PHACTR1: variants seen among roughly 807,000 people sequenced by gnomAD.
PHACTR1 encodes the protein RPEL repeat containing 1.
PHACTR1 carries 16 observed loss-of-function variants against 69.2 expected under a neutral mutation model. The observed-to-expected ratio is 0.23, with a 90% CI of 0.16 to 0.35. PHACTR1 has a LOEUF of 0.35. Ranked by LOEUF, PHACTR1 falls within the 10% of genes least tolerant of loss-of-function variation. The pLI, the probability that PHACTR1 is intolerant of heterozygous loss-of-function variation, is 1.00. For missense variants in PHACTR1, 510 were observed against 734.7 expected (o/e 0.69, Z 3.54); for synonymous variants, 312 against 284.5 (o/e 1.10, Z -0.97).
chr6:12,805,140 A>G (rs995783233), intron 4 of PHACTR1, among the ~76,000 whole-genome samples: 7 of 152,208 alleles, frequency 4.6e-5, no homozygotes, highest in African/African-American at 1.7e-4. Context: ...TTATCTTGTT[A>G]GCTGAGTTGG....
At chr6:12,937,992 C>T (rs1359692724) in intron 4 of PHACTR1, among the ~76,000 whole-genome samples, 1 of 151,998 alleles carries the variant, frequency 6.6e-6, no homozygotes, top group Non-Finnish European at 1.5e-5. Context: ...CCCAGCTACT[C>T]GGGAGGCTGA....
At chr6:13,066,205 A>T (rs1808602507) in intron 5 of PHACTR1, among the ~76,000 whole-genome samples, 1 of 152,214 alleles carries the variant, frequency 6.6e-6, no homozygotes, top group Non-Finnish European at 1.5e-5. Context: ...GTGTAAGTCC[A>T]GGCTATAAAA....
intron 4 of PHACTR1, among the ~76,000 whole-genome samples, chr6:12,932,485 A>T (rs957289453): frequency 2.6e-5 from 4 of 151,842 alleles, no homozygotes; most frequent in African/African-American, 7.3e-5. Context: ...AAATAACCAA[A>T]CTCCTTCTAT....
In PHACTR1 at chr6:13,117,075, T is replaced by A. The variant is rs116013507; in HGVS notation, c.416-43129T>A. Among the ~76,000 whole-genome samples, 400 of 152,324 alleles carry A rather than the reference T, an allele frequency of 2.6e-3. 3 individuals are homozygous for A. Among genetic ancestry groups the A allele is most frequent in the African/African-American group, 9.4e-3 (389 of 41,566 alleles). The stretch of plus-strand genomic sequence containing the variant: ...GACCCAGCCTTAAATCTGCAGAACA[T>A]TGAAGCCCAGAAATGCCAAGGACAA... On this transcript the variant is annotated intron_variant, in intron 5 of 14. Transcript: ENST00000332995.
intron 3 of PHACTR1, among the ~76,000 whole-genome samples, chr6:12,735,352 C>T (rs1764104535): frequency 6.6e-6 from 1 of 152,142 alleles, no homozygotes; most frequent in South Asian, 2.1e-4. Context: ...TTCTTGTGGT[C>T]ACAGAGACCA....
At chr6:13,075,590 A>T (rs1364993234) in intron 5 of PHACTR1, among the ~76,000 whole-genome samples, 3 of 152,158 alleles carry the variant, frequency 2.0e-5, no homozygotes, top group Non-Finnish European at 2.9e-5. Context: ...CTCAGCTTTC[A>T]TCTGAAGACA....
At chr6:12,915,515 A>G (rs1030734047) in intron 4 of PHACTR1, among the ~76,000 whole-genome samples, 4 of 148,304 alleles carry the variant, frequency 2.7e-5, no homozygotes, top group Non-Finnish European at 5.9e-5. Flanking sequence ...TCAAAAAAAA[A>G]AAAAAGAAAA....
intron 4 of PHACTR1, among the ~76,000 whole-genome samples, chr6:12,932,183 A>G (rs1788943304): frequency 2.0e-5 from 3 of 152,224 alleles, no homozygotes. Context: ...TACTGAGGCC[A>G]TTACCACTTT....
chr6:12,734,991 T>C (rs909727686), intron 3 of PHACTR1, among the ~76,000 whole-genome samples: 1 of 152,240 alleles, frequency 6.6e-6, no homozygotes. Context: ...CCCCAAAATT[T>C]AGTGACTTAA....
intron 6 of PHACTR1, among the ~76,000 whole-genome samples, chr6:13,180,817 AC>A (rs143355259): frequency 2.7e-4 from 41 of 152,312 alleles, no homozygotes; most frequent in African/African-American, 9.6e-4. Context: ...ATAGCGACAC[AC>A]TGACGCTCAG....
At chr6:12,871,033 C>G (rs996000340) in intron 4 of PHACTR1, among the ~76,000 whole-genome samples, 8 of 152,104 alleles carry the variant, frequency 5.3e-5, no homozygotes, top group Admixed American at 4.6e-4. Flanking sequence ...CTAAGAGACT[C>G]TTAGCAAATG....
intron 5 of PHACTR1, among the ~76,000 whole-genome samples, chr6:13,118,218 G>C (rs1818100176): frequency 6.6e-6 from 1 of 152,196 alleles, no homozygotes; most frequent in African/African-American, 2.4e-5. Flanking sequence ...TTGAACATGT[G>C]CTATTATTGT....
In PHACTR1 at chr6:13,286,213, A is replaced by G; in HGVS notation, c.1718A>G (p.His573Arg). 6.2e-7 allele frequency: 1 copy of G among 1,600,032 alleles called. No homozygotes were observed. The highest frequency in any genetic ancestry group is 8.5e-7 in the Non-Finnish European group (1 of 1,174,334). ...TEMEVHELSRHLTRFHRP is the reference protein window; with the variant it reads ...TEMEVHELSRRLTRFHRP The stretch of plus-strand genomic sequence containing the variant: ...ATGGAAGTTCATGAATTGAGTAGAC[A>G]CTTAACAAGGTTAGTATTAAGGGTT... Residue 573 changes from histidine to arginine, a missense_variant, in exon 14 of 15, where the codon CAC (histidine) becomes CGC (arginine). Physicochemically the swap from His to Arg is conservative, Grantham distance 29. Coordinates refer to ENST00000332995, the MANE Select transcript of PHACTR1 (RefSeq NM_030948.6).
intron 4 of PHACTR1, among the ~76,000 whole-genome samples, chr6:12,875,534 CT>C (rs773505254): frequency 4.6e-5 from 7 of 152,146 alleles, no homozygotes; most frequent in African/African-American, 9.7e-5. Flanking sequence ...TGAGCTGCCC[CT>C]GTAAGTAAAA....
chr6:13,215,352 C>A (rs890002867), intron 8 of PHACTR1, among the ~76,000 whole-genome samples: 2 of 152,098 alleles, frequency 1.3e-5, no homozygotes, highest in Non-Finnish European at 2.9e-5. Context: ...CTATGAAATT[C>A]GGAGTTGTCT....
chr6:13,138,734 C>A (rs1583537664), intron 5 of PHACTR1, among the ~76,000 whole-genome samples: 2 of 152,202 alleles, frequency 1.3e-5, no homozygotes, highest in African/African-American at 4.8e-5. Context: ...GGCACCTTGG[C>A]CCAGCCACCC....
At chr6:12,990,301 A>G (rs1225504489) in intron 4 of PHACTR1, among the ~76,000 whole-genome samples, 1 of 152,210 alleles carries the variant, frequency 6.6e-6, no homozygotes, top group African/African-American at 2.4e-5. Flanking sequence ...AGAGTTGATC[A>G]GATGTCCCAA....
intron 4 of PHACTR1, among the ~76,000 whole-genome samples, chr6:12,815,582 A>G (rs1324754367): frequency 6.6e-6 from 1 of 152,240 alleles, no homozygotes; most frequent in Non-Finnish European, 1.5e-5. Context: ...GTGAGTTGGC[A>G]GGGTGTGATG....
chr6:13,253,188 G>T, intron 10 of PHACTR1: 1 of 299,502 alleles, frequency 3.3e-6, no homozygotes. Context: ...CTTTGCGGGT[G>T]ACATTTAAAA....
Sources: gnomAD v4.1 joint callset for allele counts (sites outside exome capture counted in the v4.1 genomes callset) on GRCh38, gnomAD v4.1.1 for gene constraint, MANE v1.5 for transcripts, NCBI Gene and HGNC (gene_info 2026-07-23, HGNC 2026-07-21) for gene names.